DYNC1I1: variants seen among roughly 807,000 people sequenced by gnomAD.
The protein encoded by DYNC1I1 is cytoplasmic dynein 1 intermediate chain 1.
In DYNC1I1, 43 loss-of-function variants were observed where a neutral mutation model predicts 86.6. The ratio of observed to expected loss-of-function variants is 0.50; its 90% CI spans 0.39 to 0.64. The LOEUF is 0.64. Among genes scored for constraint, DYNC1I1 ranks in the 30% least tolerant of loss-of-function variants. The pLI is 0.00. For missense variants in DYNC1I1, 604 were observed against 788.8 expected (o/e 0.77, Z 2.81); for synonymous variants, 262 against 283.7 (o/e 0.92, Z 0.77).
intron 1 of DYNC1I1, among the ~76,000 whole-genome samples, chr7:95,773,273 A>AT (rs1793753652): frequency 6.6e-6 from 1 of 152,208 alleles, no homozygotes; most frequent in African/African-American, 2.4e-5. Flanking sequence ...GAGGGAGCGA[A>AT]TTCACTTCCA....
At chr7:96,061,712 T>TCTCACACACACA (rs1554441137) in intron 14 of DYNC1I1, among the ~76,000 whole-genome samples, 2 of 136,814 alleles carry the variant, frequency 1.5e-5, no homozygotes, top group African/African-American at 5.6e-5. Context: ...TCTCTCTCTC[T>TCTCACACACACA]CACACACACA....
At chr7:95,783,161 C>T (rs754493325) in intron 1 of DYNC1I1, among the ~76,000 whole-genome samples, 2 of 152,164 alleles carry the variant, frequency 1.3e-5, no homozygotes, top group Non-Finnish European at 2.9e-5. Context: ...ATTTCCTTGC[C>T]TCCTGTCCAT....
At chr7:95,776,748 T>C (rs890661266) in intron 1 of DYNC1I1, among the ~76,000 whole-genome samples, 1 of 152,192 alleles carries the variant, frequency 6.6e-6, no homozygotes, top group African/African-American at 2.4e-5. Context: ...CAACTGACAC[T>C]GAGTCAGGCC....
intron 1 of DYNC1I1, among the ~76,000 whole-genome samples, chr7:95,797,970 A>G (rs1051921464): frequency 3.9e-5 from 6 of 152,076 alleles, no homozygotes; most frequent in African/African-American, 7.2e-5. Flanking sequence ...TGGAAATTGT[A>G]TGTTTTTTTC....
Position 96,025,885 on chromosome 7 carries a change from T to C in DYNC1I1, c.970-2290T>C, listed in dbSNP as rs537578744. 1.3e-5 allele frequency among the ~76,000 whole-genome samples: 2 copies of C among 152,028 alleles called. 1 individual carries two copies. Among genetic ancestry groups the C allele is most frequent in the African/African-American group, 4.8e-5 (2 of 41,458 alleles). ...GGATTTAGCTGAAACACAGAAGCAATCAAGTGGTTGAATTCTGCATTTTAA... is the reference window on the plus strand; with the variant it reads ...GGATTTAGCTGAAACACAGAAGCAACCAAGTGGTTGAATTCTGCATTTTAA... On this transcript the variant is annotated intron_variant, in intron 10 of 16. Coordinates refer to ENST00000447467, the MANE Select transcript of DYNC1I1 (RefSeq NM_001135556.2).
At chr7:95,831,631 G>A (rs776656906) in intron 5 of DYNC1I1, among the ~76,000 whole-genome samples, 1 of 151,616 alleles carries the variant, frequency 6.6e-6, no homozygotes, top group Non-Finnish European at 1.5e-5. Context: ...TACCAACAGT[G>A]TACTAGGTTG....
chr7:95,927,322 G>A lies in DYNC1I1; in HGVS notation c.491-50190G>A, dbSNP rs532080848. 5.3e-5 allele frequency among the ~76,000 whole-genome samples: 8 copies of A among 152,154 alleles called. No individual in the cohort carries two copies. In the South Asian group the frequency reaches 6.2e-4, roughly 12 times the overall value. ...TGTCAGTCTAGTAGGGGAGGTGACCGTCCATACAATGAGAGGCAGAACATA... is the reference window on the plus strand; with the variant it reads ...TGTCAGTCTAGTAGGGGAGGTGACCATCCATACAATGAGAGGCAGAACATA... On this transcript the variant is annotated intron_variant, in intron 6 of 16. Coordinates refer to ENST00000447467, the MANE Select transcript of DYNC1I1 (RefSeq NM_001135556.2).
downstream of DYNC1I1, among the ~76,000 whole-genome samples, chr7:96,099,092 A>G (rs1304155616): frequency 6.6e-6 from 1 of 152,240 alleles, no homozygotes; most frequent in East Asian, 1.9e-4. Context: ...ATTTGAATGA[A>G]AAGTACTGGG....
At chr7:95,984,754 G>C (rs1210919541) in intron 7 of DYNC1I1, 61 bp from the exon 8 acceptor site, 1 of 1,518,026 alleles carries the variant, frequency 6.6e-7, no homozygotes, top group African/African-American at 1.4e-5. Flanking sequence ...CTCTTGATAA[G>C]TTTTAATTGT....
rs531532518 is a variant in DYNC1I1, at chr7:95,939,472, T to C, written c.491-38040T>C. ...TCACTCAGGACTTGCTTTATCAATC[T>C]GGGTGCTCCTGTATTGGGTGCATAT... On this transcript the variant is annotated intron_variant, in intron 6 of 16. Coordinates refer to ENST00000447467, the MANE Select transcript of DYNC1I1 (RefSeq NM_001135556.2). Among the ~76,000 whole-genome samples, 3 of 152,226 alleles carry C rather than the reference T, an allele frequency of 2.0e-5. No homozygotes were observed. In the East Asian group the frequency reaches 5.8e-4, roughly 29 times the overall value.
At chr7:95,839,067 A>G (rs571271071) in intron 5 of DYNC1I1, among the ~76,000 whole-genome samples, 3 of 151,944 alleles carry the variant, frequency 2.0e-5, no homozygotes, top group Admixed American at 6.6e-5. Flanking sequence ...GTCTTGCTCT[A>G]TCACCCAGGC....
intron 1 of DYNC1I1, among the ~76,000 whole-genome samples, chr7:95,782,480 AC>A (rs1794019050): frequency 6.6e-6 from 1 of 152,212 alleles, no homozygotes; most frequent in African/African-American, 2.4e-5. Context: ...TTGCTCAGCC[AC>A]TGCATGCTCA....
chr7:95,859,260 A>G (rs1023817085), intron 5 of DYNC1I1, among the ~76,000 whole-genome samples: 3 of 151,744 alleles, frequency 2.0e-5, no homozygotes, highest in African/African-American at 7.3e-5. Context: ...GAAGTTTGCT[A>G]AGCATCCTCA....
At chr7:95,928,455 C>T (rs1030661841) in intron 6 of DYNC1I1, among the ~76,000 whole-genome samples, 1 of 152,186 alleles carries the variant, frequency 6.6e-6, no homozygotes, top group African/African-American at 2.4e-5. Flanking sequence ...GTGCAAGGAG[C>T]TGAGTGGCTG....
intron 6 of DYNC1I1, among the ~76,000 whole-genome samples, chr7:95,942,867 A>G (rs1475758939): frequency 1.2e-4 from 18 of 146,872 alleles, no homozygotes; most frequent in Non-Finnish European, 2.1e-4. Flanking sequence ...TTGATGGGAC[A>G]TATCTCAAAA....
chr7:95,893,175 C>T (rs1248092485), intron 6 of DYNC1I1, among the ~76,000 whole-genome samples: 1 of 152,126 alleles, frequency 6.6e-6, no homozygotes, highest in Non-Finnish European at 1.5e-5. Context: ...TCCAAAGAAA[C>T]ACACATTTAT....
intron 5 of DYNC1I1, among the ~76,000 whole-genome samples, chr7:95,857,880 A>G (rs1789767598): frequency 6.6e-6 from 1 of 152,218 alleles, no homozygotes. Flanking sequence ...CATTTAAACT[A>G]CCTAGACTAG....
At position 96,063,105 on chromosome 7, in the gene DYNC1I1, A is replaced by ATGTG. The variant is rs1434101044; in HGVS notation, c.1510-12951_1510-12950insGTGT. Among the ~76,000 whole-genome samples the ATGTG allele has an allele frequency of 3.2e-3, 408 of 128,710 alleles. 1 individual carries two copies. Among genetic ancestry groups the ATGTG allele is most frequent in the African/African-American group, 0.013 (385 of 28,698 alleles). 84.4% of individuals were successfully genotyped at this position (128,710 alleles called of 152,430 possible). ...TGTATGTGTGTGTGTGTGTGTATAT[A>ATGTG]TATGTGTGTGTGTGTGTGTGTGTGT... is the stretch of plus-strand genomic sequence containing the variant. On this transcript the variant is annotated intron_variant, in intron 14 of 16. Coordinates refer to ENST00000447467, the MANE Select transcript of DYNC1I1 (RefSeq NM_001135556.2).
At chr7:95,991,838 C>T (rs1221445852) in intron 9 of DYNC1I1, among the ~76,000 whole-genome samples, 1 of 152,060 alleles carries the variant, frequency 6.6e-6, no homozygotes, top group Non-Finnish European at 1.5e-5. Context: ...CTTCCTGCCA[C>T]ACCCCACACC....
Sources: gnomAD v4.1 joint callset for allele counts (sites outside exome capture counted in the v4.1 genomes callset) on GRCh38, gnomAD v4.1.1 for gene constraint, MANE v1.5 for transcripts, NCBI Gene and HGNC (gene_info 2026-07-23, HGNC 2026-07-21) for gene names.